OTOG: variants seen among roughly 807,000 people sequenced by gnomAD.
OTOG encodes the protein otogelin.
Under a neutral mutation model 313.8 loss-of-function variants are expected in OTOG, and 296 were observed. The ratio of observed to expected loss-of-function variants is 0.94; its 90% confidence interval spans 0.86 to 1.04. OTOG has a LOEUF of 1.04. Ranked by LOEUF, OTOG falls within the 50% of genes least tolerant of loss-of-function variation. OTOG has a pLI of 0.00. For missense variants in OTOG, 3,948 were observed against 3,840.1 expected, an observed-to-expected ratio of 1.03 and a Z score of -0.74; for synonymous variants, 1,533 against 1,554.9, an observed-to-expected ratio of 0.99 and a Z score of 0.33.
intron 40 of OTOG, among the ~76,000 whole-genome samples, chr11:17,629,993 A>G (rs1031095765): frequency 1.3e-5 from 2 of 151,836 alleles, no homozygotes; most frequent in Non-Finnish European, 2.9e-5. Context: ...ACACACACAT[A>G]CACACACACA....
At chr11:17,587,509 T>C (rs1270031267) in intron 24 of OTOG, among the ~76,000 whole-genome samples, 1 of 152,092 alleles carries the variant, frequency 6.6e-6, no homozygotes, top group Admixed American at 6.5e-5. Flanking sequence ...CTCAGAGAGG[T>C]TCTATCTCAG....
At chr11:17,594,021 G>T in intron 27 of OTOG, 26 bp from the exon 28 acceptor site, 1 of 1,550,466 alleles carries the variant, frequency 6.4e-7, no homozygotes, top group South Asian at 1.2e-5. Flanking sequence ...GCCTGCAACT[G>T]ACCATGGTGT....
intron 38 of OTOG, among the ~76,000 whole-genome samples, chr11:17,613,207 CTTT>C (rs1853621801): frequency 3.9e-4 from 41 of 105,716 alleles, no homozygotes; most frequent in African/African-American, 1.6e-3. Flanking sequence ...TTCTTTCTTT[CTTT>C]CTTTCTTTCT....
intron 52 of OTOG, 74 bp from the exon 53 acceptor site, chr11:17,642,053 C>T (rs2133722256): frequency 6.6e-7 from 1 of 1,518,326 alleles, no homozygotes; most frequent in Middle Eastern, 1.7e-4. Context: ...TACAAACAGG[C>T]TCCCAGACCC....
intron 36 of OTOG, 146 bp from the exon 37 acceptor site, chr11:17,612,016 G>T: frequency 1.0e-6 from 1 of 965,850 alleles, no homozygotes; most frequent in Non-Finnish European, 1.5e-6. Context: ...ATGGCTTGTG[G>T]TGGGTAGGGG....
Position 17,606,152 on chromosome 11 carries a change from CA to C in OTOG, c.4156+18del. On this transcript the variant is annotated intron_variant, in intron 33 of 55. Transcript: ENST00000399397. ...GCCTTCTGGGTAGGCGACCCCCTGC[CA>C]TTGCCCTCGGCCCTTTGGCCCTCTC... 1 of 1,514,966 alleles carries C rather than the reference CA, an allele frequency of 6.6e-7. No individual in the cohort carries two copies. Among genetic ancestry groups the C allele is most frequent in the Non-Finnish European group, 8.9e-7 (1 of 1,127,450 alleles). 93.8% of individuals were successfully genotyped at this position (1,514,966 alleles called of 1,614,324 possible). A position where few individuals can be genotyped will look rare whatever the true frequency, so the allele number is the denominator to read the frequency against.
At chr11:17,588,484 T>C (rs1049474360) in intron 24 of OTOG, among the ~76,000 whole-genome samples, 9 of 152,108 alleles carry the variant, frequency 5.9e-5, no homozygotes, top group East Asian at 3.9e-4. Context: ...CAGTTATGCA[T>C]TTATGGCTGA....
At chr11:17,552,492 GGCC>G in intron 4 of OTOG, among the ~76,000 whole-genome samples, 2 of 133,678 alleles carry the variant, frequency 1.5e-5, no homozygotes, top group Non-Finnish European at 3.2e-5. Flanking sequence ...CTAGGTCTGT[GGCC>G]TCTCCTCCCA....
chr11:17,633,541 C>A, intron 42 of OTOG, 139 bp from the exon 43 acceptor site: 1 of 758,152 alleles, frequency 1.3e-6, no homozygotes, highest in Non-Finnish European at 2.0e-6. Flanking sequence ...TGTCACCAAG[C>A]CCTTTAACTT....
chr11:17,568,113 C>T lies in OTOG; in HGVS notation c.1645-1043C>T, dbSNP rs535170350. 4.2e-3 allele frequency among the ~76,000 whole-genome samples: 492 copies of T among 116,416 alleles called. 2 individuals are homozygous for T. Among genetic ancestry groups the T allele is most frequent in the Admixed American group, 6.8e-3 (91 of 13,328 alleles). The allele number at this position is 116,416 out of a possible 152,430, so 76.4% of individuals were successfully genotyped here. A position where few individuals can be genotyped will look rare whatever the true frequency, so the allele number is the denominator to read the frequency against. On this transcript the variant is annotated intron_variant, in intron 15 of 55. Coordinates refer to ENST00000399397, the MANE Select transcript of OTOG (RefSeq NM_001292063.2). Reference sequence around the variant, plus strand: ...CAGTGGAGATGGGGTTTCACCGTGTCAGCCAGGATGGTCTCGATCTCCTGA... The same window carrying T: ...CAGTGGAGATGGGGTTTCACCGTGTTAGCCAGGATGGTCTCGATCTCCTGA...
intron 10 of OTOG, 43 bp from the exon 11 acceptor site, chr11:17,559,009 C>A: frequency 6.8e-7 from 1 of 1,478,094 alleles, no homozygotes; most frequent in Non-Finnish European, 9.2e-7. Context: ...GCTGGTGGCA[C>A]TTTGGGTTTT....
At chr11:17,612,874 C>A in intron 38 of OTOG, 109 bp downstream of exon 38, 1 of 1,282,710 alleles carries the variant, frequency 7.8e-7, no homozygotes, top group South Asian at 1.6e-5. Context: ...GATGTGGAAG[C>A]CCCCCTGAGC....
Position 17,609,851 on chromosome 11 carries a change from G to A in OTOG, c.4551G>A (p.Glu1517=), listed in dbSNP as rs1853481386. 2 of 1,518,630 alleles carry A rather than the reference G, an allele frequency of 1.3e-6. No individual in the cohort carries two copies. Among genetic ancestry groups the A allele is most frequent in the East Asian group, 2.5e-5 (1 of 40,440 alleles). The allele number at this position is 1,518,630 out of a possible 1,614,324, so 94.1% of individuals were successfully genotyped here. Residue 1517 remains glutamate, a synonymous_variant, in exon 36 of 56, where the codon GAG becomes GAA. Transcript: ENST00000399397. ...TGAACCCACCAGTGACAGCCACTGA[G>A]GAGCCAGTGGTGTCTCCAGGCCCCA... is the stretch of plus-strand genomic sequence containing the variant. ...TALNPPVTAT[E]EPVVSPGPTQ...
intron 55 of OTOG, 36 bp from the exon 56 acceptor site, chr11:17,645,708 G>A (rs968944474): frequency 2.6e-6 from 4 of 1,550,632 alleles, no homozygotes; most frequent in African/African-American, 2.7e-5. Context: ...GGGGGTGTGA[G>A]CACCACAGAC....
intron 30 of OTOG, among the ~76,000 whole-genome samples, chr11:17,598,402 A>C: frequency 6.6e-6 from 1 of 152,204 alleles, no homozygotes; most frequent in Non-Finnish European, 1.5e-5. Flanking sequence ...CTTTATTTTT[A>C]AATTGTAATA....
In OTOG at chr11:17,606,081, C is replaced by T. The variant is rs543171228; in HGVS notation, c.4102C>T (p.Arg1368Trp). ...LYVSGAVLAL[R>W]LYEHTEVFRR... ...TGTGTCGGGCGCGGTGCTGGCCCTGCGGCTGTACGAACACACAGAGGTGTT... is the reference window on the plus strand; with the variant it reads ...TGTGTCGGGCGCGGTGCTGGCCCTGTGGCTGTACGAACACACAGAGGTGTT... The change falls in exon 33 of 56, where the codon CGG (arginine) becomes TGG (tryptophan). Residue 1368 changes from arginine (R) to tryptophan (W), a missense_variant. Physicochemically the swap from Arg to Trp is moderately radical, Grantham distance 101 (BLOSUM62 -3). Transcript: ENST00000399397. 3.4e-5 allele frequency: 53 copies of T among 1,549,780 alleles called. No individual in the cohort carries two copies. Among genetic ancestry groups the T allele is most frequent in the Non-Finnish European group, 4.2e-5 (48 of 1,146,760 alleles).
In OTOG at chr11:17,632,169, G is replaced by A. The variant is rs745715097; in HGVS notation, c.7015G>A (p.Val2339Met). The A allele has an allele frequency of 5.4e-5, 83 of 1,550,990 alleles. No individual in the cohort carries two copies. Among genetic ancestry groups the A allele is most frequent in the Non-Finnish European group, 6.6e-5 (76 of 1,147,006 alleles). ...QQPCVALTVY[V>M]AMCHKFHVCI... ...GCCCTGCGTGGCCCTGACTGTGTAC[G>A]TGGCCATGTGCCACAAATTTCATGT... The change falls in exon 42 of 56, where the codon GTG (valine) becomes ATG (methionine). Residue 2339 changes from valine to methionine, a missense_variant. By Grantham distance (21) the Val-to-Met change is conservative. Coordinates refer to ENST00000399397, the MANE Select transcript of OTOG (RefSeq NM_001292063.2).
chr11:17,639,305 G>C (rs1263647239), intron 48 of OTOG, 118 bp from the exon 49 acceptor site: 16 of 1,078,326 alleles, frequency 1.5e-5, no homozygotes, highest in Non-Finnish European at 2.2e-5. Context: ...CCCAGGCCTG[G>C]CCTGGAGCTG....
chr11:17,644,258 T>C (rs1848030256), intron 54 of OTOG, among the ~76,000 whole-genome samples: 1 of 152,268 alleles, frequency 6.6e-6, no homozygotes, highest in Admixed American at 6.5e-5. Flanking sequence ...CCAGTCTTAG[T>C]CCAGGGCCCA....
Sources: gnomAD v4.1 joint callset for allele counts (sites outside exome capture counted in the v4.1 genomes callset) on GRCh38, gnomAD v4.1.1 for gene constraint, MANE v1.5 for transcripts, NCBI Gene and HGNC (gene_info 2026-07-23, HGNC 2026-07-21) for gene names.